The following SEM1 variants were observed in gnomAD, a reference collection of about 807,000 sequenced individuals.
SEM1 encodes the protein SEM1 26S proteasome subunit.
Under a neutral mutation model 12.7 loss-of-function variants are expected in SEM1, and 3 were observed. That is an observed-to-expected ratio of 0.24 (90% CI 0.11 to 0.61). SEM1 has a LOEUF of 0.61. Among genes scored for constraint, SEM1 ranks in the 20% least tolerant of loss-of-function variants. The pLI is 0.88. For missense variants in SEM1, 59 were observed against 81.3 expected (o/e 0.73, Z 1.06); for synonymous variants, 30 against 27.8 (o/e 1.08, Z -0.25).
intron 2 of SEM1, among the ~76,000 whole-genome samples, chr7:96,572,135 C>T (rs1225840971): frequency 6.6e-6 from 1 of 152,138 alleles, no homozygotes; most frequent in Middle Eastern, 3.4e-3. Context: ...GTGATATCCT[C>T]TTCATCATTT....
chr7:96,643,197 G>A (rs1388841264), intron 2 of SEM1, among the ~76,000 whole-genome samples: 2 of 152,080 alleles, frequency 1.3e-5, no homozygotes, highest in African/African-American at 4.8e-5. Context: ...GTGAGAACGT[G>A]CAGTATTTGG....
At chr7:96,550,973 AT>A (rs1180123125) in intron 2 of SEM1, among the ~76,000 whole-genome samples, 7 of 152,228 alleles carry the variant, frequency 4.6e-5, no homozygotes, top group Non-Finnish European at 8.8e-5. Context: ...GGTATTAAGC[AT>A]TCAACAGATA....
At chr7:96,492,491 C>G (rs1438666889) in intron 1 of SEM1, among the ~76,000 whole-genome samples, 1 of 151,804 alleles carries the variant, frequency 6.6e-6, no homozygotes, top group African/African-American at 2.4e-5. Context: ...CTCACTGGAG[C>G]CTTGACCTCC....
At chr7:96,612,931 A>G (rs955496938) in intron 2 of SEM1, among the ~76,000 whole-genome samples, 5 of 151,662 alleles carry the variant, frequency 3.3e-5, no homozygotes, top group African/African-American at 9.7e-5. Context: ...CACTGCACCC[A>G]GCCAAATATA....
chr7:96,658,180 G>C (rs1373123429), intron 2 of SEM1, among the ~76,000 whole-genome samples: 2 of 152,090 alleles, frequency 1.3e-5, no homozygotes, highest in Admixed American at 1.3e-4. Flanking sequence ...CAACTCTCCA[G>C]GCTGCAGGGC....
intron 2 of SEM1, among the ~76,000 whole-genome samples, chr7:96,633,346 A>G (rs1808331077): frequency 6.6e-6 from 1 of 152,138 alleles, no homozygotes; most frequent in Non-Finnish European, 1.5e-5. Flanking sequence ...CAAATCTAAC[A>G]TTTTGGTAAA....
At chr7:96,535,649 G>A (rs960003956) in intron 2 of SEM1, among the ~76,000 whole-genome samples, 6 of 151,478 alleles carry the variant, frequency 4.0e-5, no homozygotes, top group African/African-American at 9.7e-5. Context: ...TCTGTTGTTC[G>A]CCTCTTTCTG....
intron 2 of SEM1, among the ~76,000 whole-genome samples, chr7:96,637,495 T>A (rs1273549723): frequency 1.3e-5 from 2 of 152,090 alleles, no homozygotes; most frequent in African/African-American, 2.4e-5. Flanking sequence ...TGCTTCTCAT[T>A]GCTAGAAAGT....
At chr7:96,504,365 AT>A (rs1803676914) in intron 3 of SEM1, among the ~76,000 whole-genome samples, 1 of 152,046 alleles carries the variant, frequency 6.6e-6, no homozygotes, top group East Asian at 1.9e-4. Flanking sequence ...TCCCCACTTT[AT>A]TTTTCCCCAG....
intron 2 of SEM1, among the ~76,000 whole-genome samples, chr7:96,513,607 T>G (rs1482021669): frequency 1.3e-5 from 2 of 152,038 alleles, no homozygotes; most frequent in Non-Finnish European, 2.9e-5. Context: ...GGTGGGCAGA[T>G]CACTTGAGGT....
chr7:96,674,231 C>T (rs1789396228), intron 2 of SEM1, among the ~76,000 whole-genome samples: 1 of 152,156 alleles, frequency 6.6e-6, no homozygotes. Context: ...CACCACAGAT[C>T]TATAATTATG....
chr7:96,540,818 T>C (rs1366007660), intron 2 of SEM1, among the ~76,000 whole-genome samples: 1 of 151,902 alleles, frequency 6.6e-6, no homozygotes, highest in Admixed American at 6.6e-5. Context: ...CTCCCACTTA[T>C]AAGTGAGAAA....
In SEM1 at chr7:96,640,268, A is replaced by G. The variant is rs376769137; in HGVS notation, c.171-17625T>C. The stretch of plus-strand genomic sequence containing the variant: ...AACTTATGTCCACACAAAAACTTGC[A>G]CACACACGTTTATTGCAGGCTTATT... On this transcript the variant is annotated intron_variant, in intron 2 of 2. Transcript: ENST00000417009. The surrounding 1 kb of genome is among the most constrained non-coding windows in gnomAD (Gnocchi z 4.0). 4.5e-4 allele frequency among the ~76,000 whole-genome samples: 68 copies of G among 152,122 alleles called. 1 individual carries two copies. The highest frequency in any genetic ancestry group is 1.5e-3 in the African/African-American group (64 of 41,542).
intron 2 of SEM1, chr7:96,647,566 T>C (rs1808839366): frequency 6.6e-6 from 1 of 152,142 alleles, no homozygotes; most frequent in African/African-American, 2.4e-5. Context: ...TAAGAGCTCT[T>C]ACTCTGAAAC....
chr7:96,574,206 A>G (rs1806130920), intron 2 of SEM1, among the ~76,000 whole-genome samples: 2 of 151,850 alleles, frequency 1.3e-5, no homozygotes, highest in Middle Eastern at 3.4e-3. Context: ...TGTCCTTGTG[A>G]TAGTTTGCTG....
At chr7:96,635,877 ATTAG>A (rs1808411439) in intron 2 of SEM1, among the ~76,000 whole-genome samples, 1 of 152,136 alleles carries the variant, frequency 6.6e-6, no homozygotes, top group Non-Finnish European at 1.5e-5. Context: ...GGTATAATTT[ATTAG>A]TTATTGGAAA....
intron 2 of SEM1, among the ~76,000 whole-genome samples, chr7:96,632,923 A>G (rs1808317657): frequency 6.6e-6 from 1 of 151,576 alleles, no homozygotes; most frequent in African/African-American, 2.4e-5. Context: ...ATGCACCCTG[A>G]TATTTCTAAT....
downstream of SEM1, among the ~76,000 whole-genome samples, chr7:96,619,604 G>A (rs1807827699): frequency 6.6e-6 from 1 of 152,070 alleles, no homozygotes; most frequent in Non-Finnish European, 1.5e-5. Flanking sequence ...AATAGTGGGA[G>A]CAGTGGGCCA....
chr7:96,690,314 T>A (rs1789889669), intron 2 of SEM1, among the ~76,000 whole-genome samples: 1 of 152,166 alleles, frequency 6.6e-6, no homozygotes, highest in Non-Finnish European at 1.5e-5. Flanking sequence ...ACCAAATCTG[T>A]CCTTCAGGTT....
Sources: allele counts gnomAD v4.1 joint callset (sites outside exome capture counted in the v4.1 genomes callset), GRCh38; gene constraint gnomAD v4.1.1; non-coding constraint Gnocchi (gnomAD v3.1); transcripts MANE v1.5; gene names NCBI Gene and HGNC (gene_info 2026-07-23, HGNC 2026-07-21).